Variants in DENND5A observed in about 807,000 individuals in gnomAD.
DENND5A encodes the protein DENN domain containing 5A.
Under a neutral mutation model 140.3 loss-of-function variants are expected in DENND5A, and 64 were observed. That is an observed-to-expected ratio of 0.46 (90% confidence interval 0.37 to 0.56). The LOEUF is 0.56. DENND5A is among the 20% of genes least tolerant of loss of function. The pLI, the probability that DENND5A is intolerant of heterozygous loss-of-function variation, is 0.00. For synonymous variants in DENND5A, 605 were observed against 607.7 expected, an observed-to-expected ratio of 1.00 and a Z score of 0.07; for missense variants, 1,292 against 1,593.8, an observed-to-expected ratio of 0.81 and a Z score of 3.22.
intron 7 of DENND5A, among the ~76,000 whole-genome samples, 180 bp downstream of exon 7, chr11:9,178,678 T>C (rs1197836705): frequency 1.3e-5 from 2 of 152,176 alleles, no homozygotes; most frequent in African/African-American, 2.4e-5. Flanking sequence ...CTGATAATAA[T>C]AATCAGCACA....
At chr11:9,248,071 C>T (rs950997955) in intron 1 of DENND5A, among the ~76,000 whole-genome samples, 1 of 152,114 alleles carries the variant, frequency 6.6e-6, no homozygotes, top group Non-Finnish European at 1.5e-5. Context: ...CAACCTCTGC[C>T]TCCCAGGCTC....
chr11:9,153,092 CG>C (rs1847681915), intron 12 of DENND5A, among the ~76,000 whole-genome samples: 1 of 151,636 alleles, frequency 6.6e-6, no homozygotes, highest in Non-Finnish European at 1.5e-5. Flanking sequence ...GAGGCCAAGG[CG>C]GGCGGATCAC....
chr11:9,193,503 C>T lies in DENND5A; in HGVS notation c.1128G>A (p.Leu376=), dbSNP rs759321809. 2 of 1,604,494 alleles carry T rather than the reference C, an allele frequency of 1.2e-6. No homozygotes were observed. Among genetic ancestry groups the T allele is most frequent in the South Asian group, 2.2e-5 (2 of 89,434 alleles). ...NGLDDRSKLE[L]PQEANLCFVD... is the part of the protein sequence containing the mutation. ...ACACTCAAGATCTCACCTCTTGAGG[C>T]AGCTCCAGCTTTGACCGGTCATCCA... Residue 376 remains leucine (L), a synonymous_variant, in exon 5 of 23, where the codon CTG becomes CTA. Transcript: ENST00000328194.
chr11:9,264,993 G>A lies in DENND5A; in HGVS notation c.77C>T (p.Thr26Met), dbSNP rs1461539868. The A allele has an allele frequency of 1.3e-6, 2 of 1,589,080 alleles. No individual in the cohort carries two copies. The highest frequency in any genetic ancestry group is 1.1e-5 in the South Asian group (1 of 88,182). The change falls in exon 1 of 23, where the codon ACG (threonine) becomes ATG (methionine). Residue 26 changes from threonine (T) to methionine (M), a missense_variant. Coordinates refer to ENST00000328194, the MANE Select transcript of DENND5A (RefSeq NM_015213.4). Reference sequence around the variant, plus strand: ...CTCGTCCGGCTCCAGCCCGGTCTCCGTGTCCAGTCCGCAGATGACAAAGTA... The same window carrying A: ...CTCGTCCGGCTCCAGCCCGGTCTCCATGTCCAGTCCGCAGATGACAAAGTA... ...ADYFVICGLD[T>M]ETGLEPDELS...
intron 22 of DENND5A, among the ~76,000 whole-genome samples, 173 bp downstream of exon 22, chr11:9,141,765 AGT>A (rs1453852320): frequency 3.3e-5 from 5 of 152,210 alleles, no homozygotes; most frequent in Non-Finnish European, 5.9e-5. Context: ...CATTTTATGC[AGT>A]GTGTGACCAT....
chr11:9,214,548 C>T (rs1448584790), intron 1 of DENND5A, among the ~76,000 whole-genome samples: 2 of 152,184 alleles, frequency 1.3e-5, no homozygotes, highest in African/African-American at 4.8e-5. Flanking sequence ...ATTGATTTTA[C>T]AACTCCTACA....
intron 22 of DENND5A, 107 bp downstream of exon 22, chr11:9,141,833 C>T (rs1847251577): frequency 9.1e-7 from 1 of 1,100,644 alleles, no homozygotes; most frequent in Non-Finnish European, 1.2e-6. Context: ...GGCCTCATCT[C>T]CCTAAGGGCA....
intron 11 of DENND5A, among the ~76,000 whole-genome samples, chr11:9,162,183 A>AAT (rs1038041312): frequency 1.3e-5 from 2 of 150,504 alleles, no homozygotes; most frequent in Non-Finnish European, 3.0e-5. Flanking sequence ...TGAAATATAT[A>AAT]ATATATATAT....
chr11:9,240,237 T>C (rs1050480073), intron 1 of DENND5A, among the ~76,000 whole-genome samples: 3 of 150,676 alleles, frequency 2.0e-5, no homozygotes, highest in African/African-American at 7.3e-5. Flanking sequence ...CTACTAAAAA[T>C]ACAAAAATTA....
chr11:9,236,645 G>A (rs1050952458), intron 1 of DENND5A, among the ~76,000 whole-genome samples: 1 of 152,142 alleles, frequency 6.6e-6, no homozygotes, highest in South Asian at 2.1e-4. Flanking sequence ...TACTCGGGAG[G>A]CTAAGGCAAG....
At chr11:9,255,547 C>A (rs1207481314) in intron 1 of DENND5A, among the ~76,000 whole-genome samples, 1 of 151,268 alleles carries the variant, frequency 6.6e-6, no homozygotes, top group East Asian at 2.0e-4. Context: ...GCCTGGCCAA[C>A]ATGGTAAAAC....
chr11:9,249,201 C>G (rs919591276), intron 1 of DENND5A, among the ~76,000 whole-genome samples: 2 of 151,466 alleles, frequency 1.3e-5, no homozygotes, highest in African/African-American at 4.9e-5. Flanking sequence ...GCACTCCAGC[C>G]TGGGAGACAG....
chr11:9,143,694 T>C (rs757585129), intron 19 of DENND5A, among the ~76,000 whole-genome samples: 2 of 152,132 alleles, frequency 1.3e-5, no homozygotes, highest in Admixed American at 6.5e-5. Context: ...CACCTTAGAG[T>C]TCTATCTCTA....
intron 1 of DENND5A, among the ~76,000 whole-genome samples, chr11:9,238,359 G>GTGTATA (rs1554932864): frequency 6.7e-6 from 1 of 150,108 alleles, no homozygotes; most frequent in African/African-American, 2.5e-5. Context: ...GTGTGTGTGT[G>GTGTATA]TATATATATA....
At chr11:9,142,365 G>T (rs376548123) in intron 21 of DENND5A, among the ~76,000 whole-genome samples, 5 of 152,184 alleles carry the variant, frequency 3.3e-5, no homozygotes, top group Admixed American at 6.5e-5. Flanking sequence ...TCTGAGGATG[G>T]TTTCTTGCAT....
chr11:9,153,160 T>C (rs889430128), intron 12 of DENND5A, among the ~76,000 whole-genome samples: 2 of 150,564 alleles, frequency 1.3e-5, no homozygotes, highest in Non-Finnish European at 3.0e-5. Context: ...TTACTAAAAA[T>C]ACAAAAATTA....
At chr11:9,155,870 G>C (rs1474218418) in intron 12 of DENND5A, among the ~76,000 whole-genome samples, 1 of 152,224 alleles carries the variant, frequency 6.6e-6, no homozygotes, top group African/African-American at 2.4e-5. Context: ...ACTTGCTGCA[G>C]GCAGCCTTAC....
chr11:9,198,233 A>C (rs1414819716), intron 4 of DENND5A, among the ~76,000 whole-genome samples: 6 of 152,094 alleles, frequency 3.9e-5, no homozygotes, highest in Admixed American at 3.3e-4. Context: ...TAAGAATAAA[A>C]AACTAGGGAA....
intron 4 of DENND5A, among the ~76,000 whole-genome samples, chr11:9,202,770 G>A (rs1849565186): frequency 6.6e-6 from 1 of 151,974 alleles, no homozygotes; most frequent in South Asian, 2.1e-4. Flanking sequence ...GCACATTCTT[G>A]TCTTAGACCG....
Sources: gnomAD v4.1 joint callset for allele counts (sites outside exome capture counted in the v4.1 genomes callset) on GRCh38, gnomAD v4.1.1 for gene constraint, MANE v1.5 for transcripts, NCBI Gene and HGNC (gene_info 2026-07-23, HGNC 2026-07-21) for gene names.